The following TBCA variants were observed in gnomAD, a reference collection of about 807,000 sequenced individuals.
TBCA encodes the protein tubulin folding cofactor A.
A neutral mutation model predicts 15.8 loss-of-function variants in TBCA; 6 were observed. The observed-to-expected ratio is 0.38, with a 90% CI of 0.21 to 0.75. TBCA has a LOEUF of 0.75. Among genes scored for constraint, TBCA ranks in the 30% least tolerant of loss-of-function variants. The probability of loss-of-function intolerance (pLI) is 0.46; values close to 1 mark genes in which losing one functional copy is unlikely to be tolerated. For missense variants in TBCA, 90 were observed against 131.2 expected (o/e 0.69, Z 1.53); for synonymous variants, 32 against 42.3 (o/e 0.76, Z 0.94).
At chr5:77,720,586 C>A (rs1244958232) in intron 1 of TBCA, among the ~76,000 whole-genome samples, 1 of 151,946 alleles carries the variant, frequency 6.6e-6, no homozygotes, top group Non-Finnish European at 1.5e-5. Flanking sequence ...TGGTGGCGGG[C>A]CCCTGTAATC....
At chr5:77,722,981 A>T (rs1320124494) in intron 1 of TBCA, among the ~76,000 whole-genome samples, 2 of 151,978 alleles carry the variant, frequency 1.3e-5, no homozygotes, top group Middle Eastern at 3.4e-3. Context: ...GTTCTATAAA[A>T]TTCTACTTTA....
chr5:77,735,693 T>G (rs1306236058), intron 1 of TBCA, among the ~76,000 whole-genome samples: 1 of 152,192 alleles, frequency 6.6e-6, no homozygotes, highest in African/African-American at 2.4e-5. Context: ...ATAATTCTAC[T>G]CTATTAAAAA....
intron 1 of TBCA, among the ~76,000 whole-genome samples, chr5:77,760,203 T>C (rs1295754572): frequency 2.0e-5 from 3 of 152,122 alleles, no homozygotes; most frequent in African/African-American, 7.2e-5. Flanking sequence ...GGAGGGAAAC[T>C]GAAAGGCTAA....
chr5:77,745,253 G>C (rs1402111210), intron 1 of TBCA, among the ~76,000 whole-genome samples: 1 of 152,086 alleles, frequency 6.6e-6, no homozygotes, highest in Non-Finnish European at 1.5e-5. Flanking sequence ...AAGTATAAAA[G>C]TGATATTACC....
intron 1 of TBCA, among the ~76,000 whole-genome samples, chr5:77,765,850 G>T (rs1747759594): frequency 6.7e-6 from 1 of 148,168 alleles, no homozygotes; most frequent in Non-Finnish European, 1.5e-5. Context: ...TGTACATTGT[G>T]GCACCATTTG....
At chr5:77,732,137 C>A (rs112339759) in intron 1 of TBCA, among the ~76,000 whole-genome samples, 3 of 151,996 alleles carry the variant, frequency 2.0e-5, no homozygotes, top group Non-Finnish European at 4.4e-5. Context: ...AAATGTCTTC[C>A]CAATAAGTAA....
chr5:77,751,132 T>C (rs998790663), intron 1 of TBCA, among the ~76,000 whole-genome samples: 1 of 150,824 alleles, frequency 6.6e-6, no homozygotes, highest in African/African-American at 2.4e-5. Flanking sequence ...CAGTTCCCAT[T>C]ACGGCCTGAC....
At position 77,727,716 on chromosome 5, in the gene TBCA, C is replaced by A. The variant is rs115605913; in HGVS notation, c.54-19369G>T. On this transcript the variant is annotated intron_variant, in intron 1 of 3. Transcript: ENST00000380377. ...CAAAAAGCAAATAGAGTCAATATAG[C>A]CCAAATACATACAAGTCTAACTCAG... is the stretch of plus-strand genomic sequence containing the variant. Among the ~76,000 whole-genome samples the A allele has an allele frequency of 9.0e-3, 1,369 of 152,088 alleles. 28 individuals carry two copies. Among genetic ancestry groups the A allele is most frequent in the African/African-American group, 0.031 (1,297 of 41,478 alleles).
intron 1 of TBCA, among the ~76,000 whole-genome samples, chr5:77,724,905 C>G (rs1056989470): frequency 6.6e-6 from 1 of 152,118 alleles, no homozygotes; most frequent in Admixed American, 6.5e-5. Context: ...CTGATTTACT[C>G]TAAGAAATGT....
At chr5:77,701,408 T>C (rs1378450082) in intron 2 of TBCA, among the ~76,000 whole-genome samples, 1 of 151,574 alleles carries the variant, frequency 6.6e-6, no homozygotes, top group Non-Finnish European at 1.5e-5. Flanking sequence ...AATAAAAAAA[T>C]AATAGATGTT....
At chr5:77,693,225 GA>G (rs760991479) in intron 3 of TBCA, 40 bp downstream of exon 3, 240 of 1,561,678 alleles carry the variant, frequency 1.5e-4, no homozygotes, top group Admixed American at 7.5e-4. Context: ...GTATTGGATT[GA>G]AAAAAAAAAT....
intron 2 of TBCA, among the ~76,000 whole-genome samples, chr5:77,699,591 G>T (rs573371874): frequency 2.0e-5 from 3 of 152,044 alleles, no homozygotes; most frequent in Admixed American, 6.6e-5. Flanking sequence ...CCTCAAAACG[G>T]ATTGAAGACT....
chr5:77,771,479 C>T (rs1747912334), intron 1 of TBCA, among the ~76,000 whole-genome samples: 1 of 152,144 alleles, frequency 6.6e-6, no homozygotes, highest in Admixed American at 6.5e-5. Flanking sequence ...GATGCTTTGC[C>T]ATTTACTGTA....
intron 1 of TBCA, among the ~76,000 whole-genome samples, chr5:77,749,026 C>A (rs1474563587): frequency 6.6e-6 from 1 of 152,204 alleles, no homozygotes; most frequent in East Asian, 1.9e-4. Context: ...TCAAGCAATT[C>A]AACTTTTTCT....
At chr5:77,767,336 G>A (rs1049326725) in intron 1 of TBCA, among the ~76,000 whole-genome samples, 11 of 152,248 alleles carry the variant, frequency 7.2e-5, no homozygotes, top group African/African-American at 2.6e-4. Context: ...ACTTGTGGAA[G>A]TGAAAGGATC....
chr5:77,712,935 G>A (rs1746316383), intron 1 of TBCA, among the ~76,000 whole-genome samples: 1 of 152,092 alleles, frequency 6.6e-6, no homozygotes, highest in African/African-American at 2.4e-5. Flanking sequence ...TTAACATTTT[G>A]AGTACTGTCC....
At chr5:77,742,227 C>T (rs1747054358) in intron 1 of TBCA, among the ~76,000 whole-genome samples, 1 of 152,136 alleles carries the variant, frequency 6.6e-6, no homozygotes, top group African/African-American at 2.4e-5. Context: ...CTAATTCCTC[C>T]CATGAGCATT....
chr5:77,769,672 A>T (rs891949660), intron 1 of TBCA, among the ~76,000 whole-genome samples: 3 of 151,732 alleles, frequency 2.0e-5, no homozygotes, highest in African/African-American at 7.3e-5. Flanking sequence ...GCTTTATTAA[A>T]AAAAAAAAAA....
rs560279218 is a variant in TBCA, at chr5:77,725,744, T to C, written c.54-17397A>G. 1.9e-4 allele frequency among the ~76,000 whole-genome samples: 29 copies of C among 152,346 alleles called. No homozygotes were observed. In the East Asian group the frequency reaches 4.8e-3, roughly 25 times the overall value. Reference sequence around the variant, plus strand: ...TTATGTCAATTACCAGTAATTTTAATATCCTTCCATCAGGCATCTTGTAAT... The same window carrying C: ...TTATGTCAATTACCAGTAATTTTAACATCCTTCCATCAGGCATCTTGTAAT... On this transcript the variant is annotated intron_variant, in intron 1 of 3. Transcript: ENST00000380377.
Sources: allele counts gnomAD v4.1 joint callset (sites outside exome capture counted in the v4.1 genomes callset), GRCh38; gene constraint gnomAD v4.1.1; transcripts MANE v1.5; gene names NCBI Gene and HGNC (gene_info 2026-07-23, HGNC 2026-07-21).